Variants in PLCL2 observed in about 807,000 individuals in gnomAD.
PLCL2 encodes inactive phospholipase C-like protein 2.
A neutral mutation model predicts 79.6 loss-of-function variants in PLCL2; 4 were observed. The observed-to-expected ratio is 0.05, with a 90% confidence interval of 0.02 to 0.11. PLCL2 has a LOEUF of 0.11. Among genes scored for constraint, PLCL2 ranks in the 10% least tolerant of loss-of-function variants. The pLI is 1.00. For missense variants in PLCL2, 895 were observed against 1,291.0 expected, an observed-to-expected ratio of 0.69 and a Z score of 4.70; for synonymous variants, 484 against 457.7, an observed-to-expected ratio of 1.06 and a Z score of -0.73.
chr3:16,925,290 A>C (rs1697220583), intron 1 of PLCL2, among the ~76,000 whole-genome samples: 1 of 151,734 alleles, frequency 6.6e-6, no homozygotes, highest in South Asian at 2.1e-4. Flanking sequence ...TACACTTAGA[A>C]TTCCAAAATT....
At chr3:16,937,894 T>TCC (rs1214286292) in intron 1 of PLCL2, among the ~76,000 whole-genome samples, 1 of 152,234 alleles carries the variant, frequency 6.6e-6, no homozygotes, top group Non-Finnish European at 1.5e-5. Context: ...GCATTAATTT[T>TCC]GGATAACAGG....
chr3:16,885,431 G>A (rs1441130158), intron 1 of PLCL2, 65 bp downstream of exon 1: 3 of 546,128 alleles, frequency 5.5e-6, no homozygotes, highest in East Asian at 6.8e-5. Flanking sequence ...TTCTCCCTGG[G>A]GGAGTGGTGG....
At chr3:16,987,209 G>T (rs1312257004) in intron 1 of PLCL2, among the ~76,000 whole-genome samples, 1 of 152,184 alleles carries the variant, frequency 6.6e-6, no homozygotes, top group African/African-American at 2.4e-5. Flanking sequence ...AGAGCCAGAC[G>T]TGGACCCAGG....
chr3:16,898,303 C>A (rs1696532283), intron 1 of PLCL2, among the ~76,000 whole-genome samples: 1 of 151,784 alleles, frequency 6.6e-6, no homozygotes. Flanking sequence ...AAATCTACAG[C>A]CTTTTTTTTT....
At chr3:16,938,643 G>C (rs1474371090) in intron 1 of PLCL2, among the ~76,000 whole-genome samples, 2 of 152,216 alleles carry the variant, frequency 1.3e-5, no homozygotes, top group African/African-American at 4.8e-5. Context: ...TGCAAAGGTA[G>C]CTTGAGAAGC....
At chr3:16,965,674 G>T (rs917006601) in intron 1 of PLCL2, among the ~76,000 whole-genome samples, 4 of 152,062 alleles carry the variant, frequency 2.6e-5, no homozygotes, top group African/African-American at 9.7e-5. Flanking sequence ...TCTTCCATTT[G>T]TTTGTATCCT....
chr3:16,967,420 T>C (rs968899031), intron 1 of PLCL2, among the ~76,000 whole-genome samples: 3 of 152,050 alleles, frequency 2.0e-5, no homozygotes, highest in Non-Finnish European at 4.4e-5. Context: ...GTAACTTCAA[T>C]AGCATCTGTT....
chr3:16,969,527 T>C (rs2124977365), intron 1 of PLCL2, among the ~76,000 whole-genome samples: 1 of 152,266 alleles, frequency 6.6e-6, no homozygotes, highest in Admixed American at 6.5e-5. Context: ...TTTGTGTGCA[T>C]AGAGGTTTTC....
Position 16,885,300 on chromosome 3 carries a change from G to T in PLCL2, c.261G>T (p.Ala87=). The T allele has an allele frequency of 3.0e-6, 2 of 662,244 alleles. No individual in the cohort carries two copies. Among genetic ancestry groups the T allele is most frequent in the Non-Finnish European group, 5.5e-6 (2 of 366,124 alleles). The allele number at this position is 662,244 out of a possible 1,614,324, so 41.0% of individuals were successfully genotyped here. ...TTGCGCTCGCCCCGACCCCCAGCGC[G>T]GTCGTCTGTACCCTCCCCCGGGAGA... ...RGVALAPTPS[A]VVCTLPRESK... The change falls in exon 1 of 6, where the codon GCG becomes GCT. Residue 87 remains alanine (A), a synonymous_variant. Coordinates refer to ENST00000615277, the MANE Select transcript of PLCL2 (RefSeq NM_001144382.2).
At chr3:16,935,239 C>T (rs1697512193) in intron 1 of PLCL2, among the ~76,000 whole-genome samples, 1 of 152,050 alleles carries the variant, frequency 6.6e-6, no homozygotes, top group African/African-American at 2.4e-5. Context: ...TTATTTTCCC[C>T]CTGAGGTGTT....
chr3:16,936,138 A>G (rs182111073), intron 1 of PLCL2, among the ~76,000 whole-genome samples: 2 of 152,368 alleles, frequency 1.3e-5, no homozygotes, highest in African/African-American at 4.8e-5. Context: ...AAAATGACTT[A>G]AGGAATCTTA....
At position 16,999,810 on chromosome 3, in the gene PLCL2, A is replaced by G. The variant is rs1489867437; in HGVS notation, c.328-9864A>G. Among the ~76,000 whole-genome samples the G allele has an allele frequency of 3.3e-5, 5 of 152,154 alleles. No homozygotes were observed. In the South Asian group the frequency reaches 8.3e-4, roughly 25 times the overall value. On this transcript the variant is annotated intron_variant, in intron 1 of 5. Coordinates refer to ENST00000615277, the MANE Select transcript of PLCL2 (RefSeq NM_001144382.2). Reference sequence around the variant, plus strand: ...TTTTATTAATAAAATTGTGTTACTTATATCTATAAATTATGTAGTTTTCAT... The same window carrying G: ...TTTTATTAATAAAATTGTGTTACTTGTATCTATAAATTATGTAGTTTTCAT...
At chr3:16,997,760 G>C (rs535028098) in intron 1 of PLCL2, among the ~76,000 whole-genome samples, 7 of 151,916 alleles carry the variant, frequency 4.6e-5, no homozygotes, top group African/African-American at 1.7e-4. Context: ...GGATGGTCTT[G>C]ATCTCCTGAC....
At chr3:17,019,026 A>G (rs1378468920) in intron 3 of PLCL2, among the ~76,000 whole-genome samples, 1 of 152,238 alleles carries the variant, frequency 6.6e-6, no homozygotes, top group East Asian at 1.9e-4. Flanking sequence ...TAGATAGTAA[A>G]TAGATATTTT....
At chr3:16,949,682 T>G (rs1373656884) in intron 1 of PLCL2, among the ~76,000 whole-genome samples, 2 of 152,186 alleles carry the variant, frequency 1.3e-5, no homozygotes, top group Non-Finnish European at 2.9e-5. Context: ...CCCACTTTGT[T>G]TAATTCTCTG....
intron 5 of PLCL2, among the ~76,000 whole-genome samples, chr3:17,071,353 G>T (rs1019664222): frequency 6.6e-6 from 1 of 151,926 alleles, no homozygotes; most frequent in Non-Finnish European, 1.5e-5. Flanking sequence ...TTAAAATTCA[G>T]AAATGAACAA....
At chr3:17,078,763 GT>G (rs1206522904) in intron 5 of PLCL2, among the ~76,000 whole-genome samples, 16 of 152,056 alleles carry the variant, frequency 1.1e-4, no homozygotes, top group African/African-American at 3.6e-4. Flanking sequence ...ACTGGCATTT[GT>G]TTCCTTTTTG....
intron 3 of PLCL2, among the ~76,000 whole-genome samples, chr3:17,021,709 C>T (rs1307336083): frequency 1.3e-5 from 2 of 151,984 alleles, no homozygotes; most frequent in Non-Finnish European, 2.9e-5. Context: ...GAGACTTAAT[C>T]ACATAGCATC....
At chr3:16,891,078 C>T (rs1696337141) in intron 1 of PLCL2, among the ~76,000 whole-genome samples, 1 of 152,174 alleles carries the variant, frequency 6.6e-6, no homozygotes, top group Non-Finnish European at 1.5e-5. Flanking sequence ...CTCAGCTGGG[C>T]TGCATCCTGT....
Sources: gnomAD v4.1 joint callset for allele counts (sites outside exome capture counted in the v4.1 genomes callset) on GRCh38, gnomAD v4.1.1 for gene constraint, MANE v1.5 for transcripts, NCBI Gene and HGNC (gene_info 2026-07-23, HGNC 2026-07-21) for gene names.